The following SAMD5 variants were observed in gnomAD, a reference collection of about 807,000 sequenced individuals.
SAMD5 encodes the protein sterile alpha motif domain-containing protein 5.
SAMD5 carries 13 observed loss-of-function variants against 11.3 expected under a neutral mutation model. That is an observed-to-expected ratio of 1.15 (90% confidence interval 0.75 to 1.83). The LOEUF (loss-of-function observed/expected upper bound fraction) is 1.83. Ranked by LOEUF, SAMD5 falls within the 40% of genes most tolerant of loss-of-function variation. The pLI, the probability that SAMD5 is intolerant of heterozygous loss-of-function variation, is 0.00. For synonymous variants in SAMD5, 129 were observed against 111.3 expected (o/e 1.16, Z -1.00); for missense variants, 255 against 239.1 (o/e 1.07, Z -0.44).
the SAMD5 span, among the ~76,000 whole-genome samples, chr6:147,828,949 A>T: frequency 6.6e-6 from 1 of 152,202 alleles, no homozygotes; most frequent in African/African-American, 2.4e-5. Context: ...CCAGAAGAGG[A>T]TAGATGAAAC....
chr6:147,512,249 C>A (rs1788101770), intron 1 of SAMD5, among the ~76,000 whole-genome samples: 1 of 152,182 alleles, frequency 6.6e-6, no homozygotes, highest in South Asian at 2.1e-4. Context: ...AGCCACCGCA[C>A]CCCGCCAGAA....
At chr6:147,909,579 T>TCTTC in the SAMD5 span, among the ~76,000 whole-genome samples, 1 of 61,658 alleles carries the variant, frequency 1.6e-5, no homozygotes, top group Non-Finnish European at 2.9e-5. Flanking sequence ...TTTCTTTCTT[T>TCTTC]CTTTCTTTCT....
chr6:147,752,338 T>C, the SAMD5 span, among the ~76,000 whole-genome samples: 1 of 152,222 alleles, frequency 6.6e-6, no homozygotes, highest in Admixed American at 6.5e-5. Flanking sequence ...CAGTCTTCCT[T>C]AGGTATTTTT....
intron 1 of SAMD5, among the ~76,000 whole-genome samples, chr6:147,561,967 A>G (rs1026703405): frequency 2.0e-5 from 3 of 152,138 alleles, no homozygotes; most frequent in African/African-American, 7.2e-5. Context: ...CATTGCGGAA[A>G]TCCTGTTCAT....
the SAMD5 span, among the ~76,000 whole-genome samples, chr6:147,951,440 A>C: frequency 6.6e-6 from 1 of 152,054 alleles, no homozygotes; most frequent in African/African-American, 2.4e-5. Flanking sequence ...TTGGCCTCCC[A>C]AAGTGTCTTT....
At chr6:147,631,068 A>C (rs1173896704) in intron 1 of SAMD5, among the ~76,000 whole-genome samples, 2 of 152,110 alleles carry the variant, frequency 1.3e-5, no homozygotes, top group Non-Finnish European at 2.9e-5. Flanking sequence ...GATGTTTCTC[A>C]GGGCTGCTTC....
chr6:147,913,649 TCA>T, the SAMD5 span, among the ~76,000 whole-genome samples: 110 of 152,130 alleles, frequency 7.2e-4, no homozygotes, highest in African/African-American at 2.6e-3. Context: ...TGAGCTGAGA[TCA>T]CGCCATTGCA....
At chr6:147,704,333 A>T (rs1165189866) in intron 1 of SAMD5, among the ~76,000 whole-genome samples, 3 of 152,116 alleles carry the variant, frequency 2.0e-5, no homozygotes, top group Non-Finnish European at 4.4e-5. Context: ...AAAAATCCCT[A>T]CTTGTAATTA....
chr6:147,625,648 C>G (rs1022147705), intron 1 of SAMD5, among the ~76,000 whole-genome samples: 1 of 152,158 alleles, frequency 6.6e-6, no homozygotes, highest in South Asian at 2.1e-4. Context: ...AAACTACAGC[C>G]CCACTCATAG....
At chr6:147,529,275 C>A (rs1225995871) in intron 1 of SAMD5, among the ~76,000 whole-genome samples, 2 of 152,112 alleles carry the variant, frequency 1.3e-5, no homozygotes, top group South Asian at 4.1e-4. Context: ...GGTTGGCAAT[C>A]ATGTTTTTAA....
intron 1 of SAMD5, among the ~76,000 whole-genome samples, chr6:147,602,025 G>C (rs1386012510): frequency 6.6e-6 from 1 of 152,218 alleles, no homozygotes; most frequent in Admixed American, 6.5e-5. Flanking sequence ...GCAGCTGCCT[G>C]AATTTGCTCA....
At chr6:147,838,260 G>A in the SAMD5 span, among the ~76,000 whole-genome samples, 177 of 152,218 alleles carry the variant, frequency 1.2e-3, 1 homozygote, top group African/African-American at 3.9e-3. Context: ...CCATCAAAAA[G>A]TTCTGACAAA....
the SAMD5 span, among the ~76,000 whole-genome samples, chr6:147,906,297 C>T: frequency 2.6e-5 from 4 of 152,248 alleles, no homozygotes; most frequent in African/African-American, 4.8e-5. Flanking sequence ...AATTAGACTA[C>T]GATGAATTTT....
chr6:147,569,981 CAT>C lies in SAMD5; in HGVS notation c.*5528_*5529del. 3.0e-6 allele frequency: 3 copies of C among 985,358 alleles called. No individual in the cohort carries two copies. Among genetic ancestry groups the C allele is most frequent in the Non-Finnish European group, 3.6e-6 (3 of 829,890 alleles). The allele number at this position is 985,358 out of a possible 1,614,324, so 61.0% of individuals were successfully genotyped here. On this transcript the variant is annotated 3_prime_UTR_variant, in exon 2 of 2. Transcript: ENST00000367474. ...GCCCATGCACACTGTGATTTGCAAA[CAT>C]ATGTCCGCTCTTCAATAAATGTTAC...
chr6:147,691,472 G>A (rs578002868), intron 1 of SAMD5, among the ~76,000 whole-genome samples: 4 of 152,026 alleles, frequency 2.6e-5, no homozygotes, highest in African/African-American at 4.8e-5. Context: ...ATGACTTTCA[G>A]ATATACCAAG....
the SAMD5 span, among the ~76,000 whole-genome samples, chr6:147,921,274 AACACACACACAC>A: frequency 2.8e-4 from 39 of 141,078 alleles, no homozygotes; most frequent in Admixed American, 6.4e-4. Flanking sequence ...GAGAGTATAA[AACACACACACAC>A]ACACACACAC....
the SAMD5 span, among the ~76,000 whole-genome samples, chr6:147,754,832 A>G: frequency 3.3e-5 from 5 of 151,890 alleles, no homozygotes; most frequent in African/African-American, 1.2e-4. Context: ...TTTCCCTGGT[A>G]TATGTCCTGG....
chr6:147,780,072 A>C, the SAMD5 span, among the ~76,000 whole-genome samples: 1 of 152,244 alleles, frequency 6.6e-6, no homozygotes, highest in African/African-American at 2.4e-5. Context: ...AGCTCCTGCT[A>C]TTCCAGCCAC....
At chr6:147,688,957 ATG>A (rs1182074932) in intron 1 of SAMD5, among the ~76,000 whole-genome samples, 1 of 152,240 alleles carries the variant, frequency 6.6e-6, no homozygotes, top group African/African-American at 2.4e-5. Context: ...CTTGTTTAAG[ATG>A]TCACTGTAGC....
Sources: gnomAD v4.1 joint callset for allele counts (sites outside exome capture counted in the v4.1 genomes callset) on GRCh38, gnomAD v4.1.1 for gene constraint, MANE v1.5 for transcripts, NCBI Gene and HGNC (gene_info 2026-07-23, HGNC 2026-07-21) for gene names.